IPO5: variants seen among roughly 807,000 people sequenced by gnomAD.
IPO5 encodes the protein importin-5.
In IPO5, 18 loss-of-function variants were observed where a neutral mutation model predicts 143.3. The ratio of observed to expected loss-of-function variants is 0.13; its 90% CI spans 0.09 to 0.19. The LOEUF is 0.19. IPO5 is among the 10% of genes least tolerant of loss of function. The pLI, the probability that IPO5 is intolerant of heterozygous loss-of-function variation, is 1.00. For synonymous variants in IPO5, 477 were observed against 465.7 expected, an observed-to-expected ratio of 1.02 and a Z score of -0.31; for missense variants, 1,013 against 1,336.9, an observed-to-expected ratio of 0.76 and a Z score of 3.78.
intron 9 of IPO5, 34 bp from the exon 10 acceptor site, chr13:97,992,858 C>T (rs374870673): frequency 6.3e-7 from 1 of 1,584,550 alleles, no homozygotes; most frequent in African/African-American, 1.3e-5. Context: ...TAAAGTGAAT[C>T]TTCAGCACCG....
At position 97,993,837 on chromosome 13, in the gene IPO5, G is replaced by A. The variant is rs578108323; in HGVS notation, c.913+612G>A. 6.6e-5 allele frequency among the ~76,000 whole-genome samples: 10 copies of A among 152,276 alleles called. No individual in the cohort carries two copies. In the South Asian group the frequency reaches 1.2e-3, roughly 19 times the overall value. ...AACACTTAATTTAGAGGGTAAATAC[G>A]TCACCAGATTTATTTTGTAGTGGTA... On this transcript the variant is annotated intron_variant, in intron 11 of 28. Transcript: ENST00000651721.
intron 2 of IPO5, among the ~76,000 whole-genome samples, chr13:97,960,636 G>A (rs1166260697): frequency 2.0e-5 from 3 of 149,600 alleles, no homozygotes; most frequent in Non-Finnish European, 4.4e-5. Flanking sequence ...TCGGCTCACT[G>A]CAACCTCCAC....
At chr13:98,020,756 C>T (rs1890431670) in intron 27 of IPO5, among the ~76,000 whole-genome samples, 1 of 151,968 alleles carries the variant, frequency 6.6e-6, no homozygotes, top group Non-Finnish European at 1.5e-5. Flanking sequence ...TTTAACACAT[C>T]ACAAATTATT....
chr13:98,002,406 C>G, intron 13 of IPO5, 61 bp from the exon 14 acceptor site: 1 of 1,527,580 alleles, frequency 6.5e-7, no homozygotes, highest in Non-Finnish European at 8.9e-7. Flanking sequence ...ACATCTCCCT[C>G]TACCAGAATG....
At position 97,956,061 on chromosome 13, in the gene IPO5, G is replaced by GCCAA. The variant is rs1161863344; in HGVS notation, c.-113+1863_-113+1864insCCAA. ...GCGAGACAATGGCGTGAACCCGGGA[G>GCCAA]GTGGAGCTTGCAGTGAGCCAAGATC... On this transcript the variant is annotated intron_variant, in intron 2 of 28. Coordinates refer to ENST00000651721, the MANE Select transcript of IPO5 (RefSeq NM_002271.6). Among the ~76,000 whole-genome samples the GCCAA allele has an allele frequency of 2.0e-5, 3 of 151,866 alleles. No homozygotes were observed. In the East Asian group the frequency reaches 5.8e-4, roughly 29 times the overall value.
At chr13:97,994,047 C>A (rs985219063) in intron 11 of IPO5, among the ~76,000 whole-genome samples, 8 of 152,196 alleles carry the variant, frequency 5.3e-5, no homozygotes, top group Admixed American at 2.6e-4. Context: ...TGGCTCATGC[C>A]TGTAATCCCA....
chr13:98,009,884 T>C lies in IPO5; in HGVS notation c.1804T>C (p.Ser602Pro). 1 of 1,598,952 alleles carries C rather than the reference T, an allele frequency of 6.3e-7. No individual in the cohort carries two copies. The highest frequency in any genetic ancestry group is 8.5e-7 in the Non-Finnish European group (1 of 1,172,066). ...TAATTTTAAAATTTTTCCCCAGATC[T>C]CTTACATGATCTCAGCATGGGCCAG... ...NDMEDDDPQISYMISAWARMC... is the reference protein window; with the variant it reads ...NDMEDDDPQIPYMISAWARMC... The change falls in exon 19 of 29, where the codon TCT becomes CCT. Residue 602 changes from serine (S) to proline (P), a missense_variant. Ser to Pro is a moderately conservative substitution (Grantham distance 74, BLOSUM62 -1). Around this residue, in one of 2 missense-constraint regions of IPO5, gnomAD observed 685 missense variants for 994.9 expected, o/e 0.69. Coordinates refer to ENST00000651721, the MANE Select transcript of IPO5 (RefSeq NM_002271.6).
chr13:98,004,319 CAG>C (rs1889039439), intron 16 of IPO5, among the ~76,000 whole-genome samples: 1 of 152,166 alleles, frequency 6.6e-6, no homozygotes, highest in South Asian at 2.1e-4. Flanking sequence ...AAGCCAAAGA[CAG>C]AGGACTTATA....
At position 98,009,949 on chromosome 13, in the gene IPO5, T is replaced by C; in HGVS notation, c.1869T>C (p.Leu623=). ...KILGKEFQQY[L]PVVMGPLMKT... ...TTGGAAAAGAATTTCAGCAATACCTTCCAGTGGTTATGGGGCCTTTAATGA... is the reference window on the plus strand; with the variant it reads ...TTGGAAAAGAATTTCAGCAATACCTCCCAGTGGTTATGGGGCCTTTAATGA... Residue 623 remains leucine, a synonymous_variant, in exon 19 of 29, where the codon CTT becomes CTC. Transcript: ENST00000651721. 1 of 1,614,102 alleles carries C rather than the reference T, an allele frequency of 6.2e-7. No individual in the cohort carries two copies. The highest frequency in any genetic ancestry group is 8.5e-7 in the Non-Finnish European group (1 of 1,179,954).
chr13:97,984,335 A>C (rs552631734), intron 5 of IPO5, among the ~76,000 whole-genome samples: 1 of 152,296 alleles, frequency 6.6e-6, no homozygotes, highest in African/African-American at 2.4e-5. Context: ...AGATTAGTGC[A>C]AGTTAGTAAA....
In IPO5 at chr13:98,015,785, A is replaced by G; in HGVS notation, c.2493+4A>G. 6.3e-7 allele frequency: 1 copy of G among 1,593,612 alleles called. No individual in the cohort carries two copies. Among genetic ancestry groups the G allele is most frequent in the Non-Finnish European group, 8.5e-7 (1 of 1,169,744 alleles). On this transcript the variant is annotated splice_donor_region_variant and intron_variant, in intron 24 of 28. Transcript: ENST00000651721. ...CGAAGAGTCACTACAAGATGAGGTA[A>G]GTTATTCCCTTTGGAACTTACTTAC...
At chr13:98,017,482 T>C (rs1292816796) in intron 25 of IPO5, among the ~76,000 whole-genome samples, 1 of 152,082 alleles carries the variant, frequency 6.6e-6, no homozygotes, top group Non-Finnish European at 1.5e-5. Flanking sequence ...TGTATTTTAG[T>C]AGAGATGGGG....
chr13:97,959,047 C>G (rs1480719904), intron 2 of IPO5, among the ~76,000 whole-genome samples: 1 of 151,950 alleles, frequency 6.6e-6, no homozygotes, highest in Admixed American at 6.6e-5. Flanking sequence ...TGGCGGGCAC[C>G]TGTAATCCCA....
At chr13:97,989,200 T>C (rs1310239280) in intron 7 of IPO5, 36 bp downstream of exon 7, 9 of 1,159,908 alleles carry the variant, frequency 7.8e-6, no homozygotes, top group Non-Finnish European at 2.6e-6. Flanking sequence ...AGACATTTGA[T>C]TTAATGAATG....
At position 97,990,148 on chromosome 13, in the gene IPO5, A is replaced by T; in HGVS notation, c.490A>T (p.Asn164Tyr). 6.2e-7 allele frequency: 1 copy of T among 1,612,206 alleles called. No individual in the cohort carries two copies. Among genetic ancestry groups the T allele is most frequent in the Non-Finnish European group, 8.5e-7 (1 of 1,178,548 alleles). ...TAGGAACTTTCCTGGAATTTTTGGG[A>T]ACCAGCAACAACACTATTTAGATGT... is the stretch of plus-strand genomic sequence containing the variant. ...IFWNFPGIFG[N>Y]QQQHYLDVIK... The change falls in exon 8 of 29, where the codon AAC (asparagine) becomes TAC (tyrosine). Residue 164 changes from asparagine to tyrosine, a missense_variant. By Grantham distance (143) the Asn-to-Tyr change is moderately radical. This residue lies in a region of IPO5 where 328 missense variants were observed against 342.0 expected (regional missense o/e 0.96). Coordinates refer to ENST00000651721, the MANE Select transcript of IPO5 (RefSeq NM_002271.6).
At chr13:97,990,043 C>T in intron 7 of IPO5, 83 bp from the exon 8 acceptor site, 1 of 807,728 alleles carries the variant, frequency 1.2e-6, no homozygotes, top group East Asian at 2.7e-5. Context: ...GGTAAACAAA[C>T]AGTTCATTAG....
chr13:98,012,550 ATGTT>A (rs1163987464), intron 21 of IPO5, among the ~76,000 whole-genome samples: 4 of 152,168 alleles, frequency 2.6e-5, no homozygotes, highest in Non-Finnish European at 4.4e-5. Flanking sequence ...GACCTATCCT[ATGTT>A]TGTCAGCTTT....
rs1295608376 is a variant in IPO5, at chr13:98,003,125, C to G, written c.1497+88C>G. On this transcript the variant is annotated intron_variant, in intron 16 of 28. Transcript: ENST00000651721. The stretch of plus-strand genomic sequence containing the variant: ...TAAGAACTGGAGAAAGAGGGACTTG[C>G]AGCATGACCATAAAGAATATAAAGT... The G allele has an allele frequency of 4.2e-6, 4 of 955,900 alleles. No individual in the cohort carries two copies. In the African/African-American group the frequency reaches 6.6e-5, roughly 16 times the overall value. The allele number at this position is 955,900 out of a possible 1,614,324, so 59.2% of individuals were successfully genotyped here.
rs148018572 is a variant in IPO5, at chr13:97,997,544, A to G, written c.927A>G (p.Leu309=). The change falls in exon 12 of 29, where the codon TTA becomes TTG. Residue 309 remains leucine, a synonymous_variant. Transcript: ENST00000651721. ...TGTTTACTTTAGTTCCTCAGATGTT[A>G]GCAATGATGGTTGATTTGGAAGAAG... The part of the protein sequence containing the change: ...NIVAQTIPQM[L]AMMVDLEEDE... 1,892 of 1,603,988 alleles carry G rather than the reference A, an allele frequency of 1.2e-3. 3 individuals are homozygous for G. The highest frequency in any genetic ancestry group is 1.5e-3 in the Non-Finnish European group (1,704 of 1,171,210).
Sources: gnomAD v4.1 joint callset for allele counts (sites outside exome capture counted in the v4.1 genomes callset) on GRCh38, gnomAD v4.1.1 for gene constraint, gnomAD v4.1.1 regional missense constraint, MANE v1.5 for transcripts, NCBI Gene and HGNC (gene_info 2026-07-23, HGNC 2026-07-21) for gene names.